The following CHRDL1 variants were observed in gnomAD, a reference collection of about 807,000 sequenced individuals.
CHRDL1 encodes chordin like 1.
CHRDL1 carries 19 observed loss-of-function variants against 40.9 expected under a neutral mutation model. The ratio of observed to expected loss-of-function variants is 0.46; its 90% CI spans 0.32 to 0.68. The LOEUF is 0.68. CHRDL1 is among the 30% of genes least tolerant of loss of function. The pLI, the probability that CHRDL1 is intolerant of heterozygous loss-of-function variation, is 0.03. For synonymous variants in CHRDL1, 136 were observed against 123.4 expected (o/e 1.10, Z -0.68); for missense variants, 329 against 352.1 (o/e 0.93, Z 0.53).
chrX:110,729,513 C>T lies in CHRDL1; in HGVS notation c.302-7983G>A, dbSNP rs184479189. On this transcript the variant is annotated intron_variant, in intron 4 of 11. Coordinates refer to ENST00000372042, the MANE Select transcript of CHRDL1 (RefSeq NM_001143981.2). ...ATGCTGGCAGGCCTTAATACTAATC[C>T]CGTTAAGTAATTCATACTGAAATGA... 1.5e-4 allele frequency among the ~76,000 whole-genome samples: 17 copies of T among 111,478 alleles called. 1 individual carries two copies. Among genetic ancestry groups the T allele is most frequent in the Admixed American group, 1.4e-3 (15 of 10,508 alleles).
chrX:110,749,699 T>C (rs1165261999), intron 4 of CHRDL1, among the ~76,000 whole-genome samples: 1 of 111,827 alleles, frequency 8.9e-6, no homozygotes, highest in Non-Finnish European at 1.9e-5. Context: ...TTTTAGGGAA[T>C]AGCTGATGGT....
chrX:110,755,336 C>A (rs1039118761), intron 4 of CHRDL1, among the ~76,000 whole-genome samples: 1 of 112,030 alleles, frequency 8.9e-6, no homozygotes, highest in African/African-American at 3.2e-5. Flanking sequence ...GTATAGATTT[C>A]TCTCTGGTAT....
intron 4 of CHRDL1, among the ~76,000 whole-genome samples, chrX:110,727,870 A>C (rs2071085595): frequency 8.9e-6 from 1 of 112,061 alleles, no homozygotes; most frequent in African/African-American, 3.2e-5. Flanking sequence ...CATGTGTGAA[A>C]CATATAAAAA....
At chrX:110,719,280 A>T (rs1603188473) in intron 6 of CHRDL1, among the ~76,000 whole-genome samples, 1 of 111,293 alleles carries the variant, frequency 9.0e-6, no homozygotes. Context: ...GTGCCATTAT[A>T]AAAAAAATAA....
chrX:110,722,502 T>G (rs1166258131), intron 4 of CHRDL1, among the ~76,000 whole-genome samples: 1 of 111,500 alleles, frequency 9.0e-6, no homozygotes, highest in Admixed American at 9.5e-5. Flanking sequence ...TCTGGATCTC[T>G]CAAGGCATCT....
chrX:110,701,588 C>A (rs1457396710), intron 6 of CHRDL1, among the ~76,000 whole-genome samples: 1 of 111,696 alleles, frequency 9.0e-6, no homozygotes, highest in African/African-American at 3.3e-5. Flanking sequence ...CCGAAGTAGG[C>A]AGATCACTTG....
chrX:110,769,781 C>T (rs1434761425), intron 2 of CHRDL1, among the ~76,000 whole-genome samples: 1 of 111,480 alleles, frequency 9.0e-6, no homozygotes, highest in Non-Finnish European at 1.9e-5. Context: ...AAGAAAGACC[C>T]GCCCCCATAA....
chrX:110,691,275 G>A (rs1239016508), intron 8 of CHRDL1, among the ~76,000 whole-genome samples: 1 of 106,241 alleles, frequency 9.4e-6, no homozygotes, highest in Non-Finnish European at 1.9e-5. Context: ...GGCCTATAAA[G>A]GGAAGGGGCC....
chrX:110,704,301 G>A (rs1347478702), intron 6 of CHRDL1, among the ~76,000 whole-genome samples: 2 of 111,379 alleles, frequency 1.8e-5, no homozygotes, highest in Non-Finnish European at 3.8e-5. Context: ...ATTGTAAAAA[G>A]TAAACAGTAA....
chrX:110,768,315 C>T (rs776955120), intron 2 of CHRDL1, among the ~76,000 whole-genome samples: 1 of 112,086 alleles, frequency 8.9e-6, no homozygotes, highest in South Asian at 3.8e-4. Context: ...TCCCTGCTCC[C>T]ATTCAACTTA....
intron 8 of CHRDL1, among the ~76,000 whole-genome samples, chrX:110,689,486 A>C (rs867111851): frequency 1.3e-4 from 6 of 44,699 alleles, no homozygotes; most frequent in Admixed American, 4.5e-4. Context: ...CTATATATCT[A>C]TATCTCTATA....
intron 2 of CHRDL1, among the ~76,000 whole-genome samples, chrX:110,763,134 T>A (rs916624529): frequency 3.6e-5 from 4 of 111,395 alleles, no homozygotes; most frequent in South Asian, 7.7e-4. Context: ...AATTTAATTT[T>A]ATTTTTCCAT....
chrX:110,784,236 ACT>A (rs1232175385), intron 2 of CHRDL1, among the ~76,000 whole-genome samples: 2 of 111,262 alleles, frequency 1.8e-5, no homozygotes, highest in East Asian at 2.8e-4. Flanking sequence ...AGAGTTGAAG[ACT>A]CTGTTTCATG....
chrX:110,746,727 C>T (rs753831771), intron 4 of CHRDL1, among the ~76,000 whole-genome samples: 240 of 111,394 alleles, frequency 2.2e-3, no homozygotes, highest in Non-Finnish European at 3.1e-3. Context: ...TAGAGGAACA[C>T]GTACCAAAAT....
intron 6 of CHRDL1, among the ~76,000 whole-genome samples, 186 bp downstream of exon 6, chrX:110,719,648 TA>T (rs1396087749): frequency 3.7e-5 from 4 of 109,578 alleles, no homozygotes; most frequent in African/African-American, 1.3e-4. Context: ...TTTTTTTTTT[TA>T]AAGGCTGTGG....
At chrX:110,789,313 A>G (rs1483551400) in intron 2 of CHRDL1, among the ~76,000 whole-genome samples, 1 of 111,964 alleles carries the variant, frequency 8.9e-6, no homozygotes, top group Non-Finnish European at 1.9e-5. Context: ...AGGAATTAGA[A>G]ATGGACTTTC....
chrX:110,717,988 T>C (rs992137458), intron 6 of CHRDL1, among the ~76,000 whole-genome samples: 2 of 111,985 alleles, frequency 1.8e-5, no homozygotes, highest in Non-Finnish European at 3.8e-5. Flanking sequence ...CGGCTCCAAA[T>C]GTATTTCAAA....
chrX:110,735,719 G>C (rs188431003), intron 4 of CHRDL1, among the ~76,000 whole-genome samples: 1 of 112,460 alleles, frequency 8.9e-6, no homozygotes, highest in Non-Finnish European at 1.9e-5. Context: ...CAGGCACCTG[G>C]AGACACAAAG....
At chrX:110,708,441 C>T (rs1053561223) in intron 6 of CHRDL1, among the ~76,000 whole-genome samples, 3 of 110,972 alleles carry the variant, frequency 2.7e-5, no homozygotes, top group Non-Finnish European at 5.7e-5. Context: ...ACATATACAC[C>T]ATGGAATACT....
Sources: gnomAD v4.1 joint callset for allele counts (sites outside exome capture counted in the v4.1 genomes callset) on GRCh38, gnomAD v4.1.1 for gene constraint, MANE v1.5 for transcripts, NCBI Gene and HGNC (gene_info 2026-07-23, HGNC 2026-07-21) for gene names.